Variants in ZNF469 observed in about 807,000 individuals in gnomAD.
ZNF469 encodes the protein zinc finger protein 469.
Under a neutral mutation model 1.0 loss-of-function variants are expected in ZNF469, and 1 was observed. That is an observed-to-expected ratio of 1.00 (90% CI 0.35 to 4.73). ZNF469 has a LOEUF of 4.73. Among genes scored for constraint, ZNF469 ranks in the 30% most tolerant of loss-of-function variants. ZNF469 has a pLI of 0.16. For missense variants in ZNF469, 6,100 were observed against 5,356.3 expected (o/e 1.14, Z -4.33); for synonymous variants, 2,703 against 2,363.4 (o/e 1.14, Z -4.17).
chr16:88,376,635 G>A, the ZNF469 span, among the ~76,000 whole-genome samples: 1 of 152,262 alleles, frequency 6.6e-6, no homozygotes. Flanking sequence ...AGGTCTGCGA[G>A]GGCTGAGTGA....
chr16:88,433,000 C>T lies in ZNF469; in HGVS notation c.5530C>T (p.His1844Tyr), dbSNP rs1299565569. The T allele has an allele frequency of 6.4e-7, 1 of 1,550,396 alleles. No homozygotes were observed. Among genetic ancestry groups the T allele is most frequent in the East Asian group, 2.4e-5 (1 of 40,914 alleles). The change falls in exon 3 of 3, where the codon CAC becomes TAC. Residue 1844 changes from histidine (H) to tyrosine (Y), a missense_variant. By Grantham distance (83) the His-to-Tyr change is moderately conservative. Transcript: ENST00000565624. ...TGCAGGCAGAGCAGGTGGGCACCTC[C>T]ACCCCACGGCAGGGAGGCCTGGCTT... ...HSAGRAGGHL[H>Y]PTAGRPGFEG...
chr16:88,108,034 TAGAGA>T, the ZNF469 span, among the ~76,000 whole-genome samples: 2 of 152,198 alleles, frequency 1.3e-5, no homozygotes, highest in African/African-American at 2.4e-5. Flanking sequence ...GGATGCAGGG[TAGAGA>T]AGAGAAGACT....
chr16:88,296,588 A>G, the ZNF469 span, among the ~76,000 whole-genome samples: 1 of 152,034 alleles, frequency 6.6e-6, no homozygotes, highest in Admixed American at 6.5e-5. Flanking sequence ...GCGCATATGC[A>G]CACACATGCA....
the ZNF469 span, among the ~76,000 whole-genome samples, chr16:88,370,788 T>C: frequency 1.3e-3 from 197 of 152,302 alleles, 2 homozygotes; most frequent in African/African-American, 4.5e-3. Flanking sequence ...GCCTTCAAGA[T>C]TGGAGTCTCT....
the ZNF469 span, among the ~76,000 whole-genome samples, chr16:88,263,961 C>T: frequency 8.7e-3 from 1,331 of 152,238 alleles, 15 homozygotes; most frequent in African/African-American, 0.031. Flanking sequence ...GGAACAAGCT[C>T]ACAGAAAGCG....
chr16:88,376,162 C>T, the ZNF469 span, among the ~76,000 whole-genome samples: 99 of 152,384 alleles, frequency 6.5e-4, no homozygotes, highest in African/African-American at 2.4e-3. Context: ...GTCTGCACGC[C>T]TTCGCCAGTC....
chr16:88,391,105 T>C (rs1326613062), intron 1 of ZNF469, among the ~76,000 whole-genome samples: 4 of 152,190 alleles, frequency 2.6e-5, no homozygotes, highest in African/African-American at 9.6e-5. Context: ...TGATATAGAA[T>C]CCCACTGTGC....
At chr16:88,161,823 A>T in the ZNF469 span, among the ~76,000 whole-genome samples, 16 of 152,204 alleles carry the variant, frequency 1.1e-4, no homozygotes, top group Non-Finnish European at 2.1e-4. Context: ...TGGCTCGTGG[A>T]CTTGGCGTGC....
the ZNF469 span, among the ~76,000 whole-genome samples, chr16:88,166,433 C>T: frequency 2.0e-5 from 3 of 152,150 alleles, no homozygotes; most frequent in East Asian, 1.9e-4. The surrounding 1 kb of genome is among the most constrained non-coding windows in gnomAD (Gnocchi z 4.5). Context: ...AATTTCCATG[C>T]GGTGAAATGC....
intron 1 of ZNF469, among the ~76,000 whole-genome samples, chr16:88,400,308 G>A (rs1904817814): frequency 6.6e-6 from 1 of 151,916 alleles, no homozygotes; most frequent in African/African-American, 2.4e-5. Context: ...TGAAAGCCCA[G>A]CAAAATGTGC....
rs1253923027 is a variant in ZNF469, at chr16:88,432,794, G to A, written c.5324G>A (p.Gly1775Glu). 11 of 1,550,352 alleles carry A rather than the reference G, an allele frequency of 7.1e-6. No individual in the cohort carries two copies. Among genetic ancestry groups the A allele is most frequent in the South Asian group, 3.6e-5 (3 of 84,066 alleles). ...LRLLPCEQRG[G>E]FLPEPGTADQ... is the part of the protein sequence containing the mutation. ...CTGCTTCCCTGTGAACAGAGAGGAGGGTTCCTCCCAGAGCCCGGCACAGCA... is the reference window on the plus strand; with the variant it reads ...CTGCTTCCCTGTGAACAGAGAGGAGAGTTCCTCCCAGAGCCCGGCACAGCA... Residue 1775 changes from glycine to glutamate, a missense_variant, in exon 3 of 3, where the codon GGG (glycine) becomes GAG (glutamate). Transcript: ENST00000565624.
the ZNF469 span, among the ~76,000 whole-genome samples, chr16:88,151,991 A>G: frequency 6.6e-6 from 1 of 152,246 alleles, no homozygotes; most frequent in East Asian, 1.9e-4. The surrounding 1 kb of genome is among the most constrained non-coding windows in gnomAD (Gnocchi z 5.4). Flanking sequence ...CCACACCAGC[A>G]GTAGATACTC....
the ZNF469 span, among the ~76,000 whole-genome samples, chr16:88,189,382 G>C: frequency 1.3e-5 from 2 of 152,162 alleles, no homozygotes; most frequent in Non-Finnish European, 2.9e-5. This position sits in a 1 kb window ranked among gnomAD's most constrained non-coding sequence, Gnocchi z 4.3. Context: ...GGGATGTGAT[G>C]GTTCTTCCCA....
the ZNF469 span, among the ~76,000 whole-genome samples, chr16:88,351,519 C>A: frequency 6.6e-6 from 1 of 152,184 alleles, no homozygotes; most frequent in East Asian, 1.9e-4. Context: ...AAGGCCCTGA[C>A]CCCTCAGGAG....
chr16:88,117,499 T>C, the ZNF469 span, among the ~76,000 whole-genome samples: 1 of 152,240 alleles, frequency 6.6e-6, no homozygotes, highest in African/African-American at 2.4e-5. Flanking sequence ...ACTGACTGCC[T>C]AGAAGACCCT....
At chr16:88,280,472 G>A in the ZNF469 span, among the ~76,000 whole-genome samples, 35,948 of 148,112 alleles carry the variant, frequency 0.24, 4,969 homozygotes, top group East Asian at 0.43. Flanking sequence ...GTTGATTTTG[G>A]TGCACTTGTT....
At chr16:88,397,886 C>G (rs893467980) in intron 1 of ZNF469, among the ~76,000 whole-genome samples, 6 of 152,204 alleles carry the variant, frequency 3.9e-5, no homozygotes, top group African/African-American at 1.2e-4. Context: ...AAGAGAGGAA[C>G]TCAGCTTTTG....
chr16:88,185,481 C>G, the ZNF469 span, among the ~76,000 whole-genome samples: 3 of 132,694 alleles, frequency 2.3e-5, no homozygotes, highest in African/African-American at 8.6e-5. Flanking sequence ...CACATTTGCA[C>G]ACTCACATGA....
the ZNF469 span, among the ~76,000 whole-genome samples, chr16:88,295,871 T>G: frequency 1.3e-5 from 2 of 152,170 alleles, no homozygotes; most frequent in Non-Finnish European, 2.9e-5. Context: ...AGATAACATA[T>G]GTCTGAGGTC....
Sources: gnomAD v4.1 joint callset for allele counts (sites outside exome capture counted in the v4.1 genomes callset) on GRCh38, gnomAD v4.1.1 for gene constraint, Gnocchi (gnomAD v3.1) non-coding constraint, MANE v1.5 for transcripts, NCBI Gene and HGNC (gene_info 2026-07-23, HGNC 2026-07-21) for gene names.